The following SNPH variants were observed in gnomAD, a reference collection of about 807,000 sequenced individuals.
The protein encoded by SNPH is syntaphilin.
A neutral mutation model predicts 36.8 loss-of-function variants in SNPH; 10 were observed. That is an observed-to-expected ratio of 0.27 (90% confidence interval 0.17 to 0.46). The LOEUF (loss-of-function observed/expected upper bound fraction) is 0.46. Among genes scored for constraint, SNPH ranks in the 20% least tolerant of loss-of-function variants. The probability of loss-of-function intolerance (pLI) is 1.00; values close to 1 mark genes in which losing one functional copy is unlikely to be tolerated. For synonymous variants in SNPH, 281 were observed against 312.2 expected (o/e 0.90, Z 1.05); for missense variants, 622 against 744.0 (o/e 0.84, Z 1.91).
At chr20:1,281,907 T>G (rs1316023343) in intron 2 of SNPH, among the ~76,000 whole-genome samples, 1 of 152,254 alleles carries the variant, frequency 6.6e-6, no homozygotes, top group Non-Finnish European at 1.5e-5. Context: ...ATCTGGGAGC[T>G]AGGCCATTTC....
chr20:1,280,700 G>C (rs924168828), intron 2 of SNPH, among the ~76,000 whole-genome samples: 3 of 152,200 alleles, frequency 2.0e-5, no homozygotes, highest in African/African-American at 4.8e-5. Flanking sequence ...TGTCCCAAGA[G>C]AGTGAGAGGA....
At chr20:1,268,971 A>G (rs1197010882) in intron 2 of SNPH, among the ~76,000 whole-genome samples, 2 of 152,160 alleles carry the variant, frequency 1.3e-5, no homozygotes, top group African/African-American at 4.8e-5. Flanking sequence ...GAGGGTGGTG[A>G]TGTTGGCAAA....
chr20:1,301,121 C>T (rs766770994), intron 6 of SNPH, among the ~76,000 whole-genome samples: 1 of 152,210 alleles, frequency 6.6e-6, no homozygotes, highest in Non-Finnish European at 1.5e-5. Context: ...TATCCTTCCT[C>T]GCTTCCTCCT....
At chr20:1,292,706 C>G (rs554226978) in intron 2 of SNPH, among the ~76,000 whole-genome samples, 1 of 152,274 alleles carries the variant, frequency 6.6e-6, no homozygotes, top group East Asian at 1.9e-4. Flanking sequence ...GGCCTGCCCC[C>G]CTCCTTCTGC....
chr20:1,282,858 CTAAGAACTA>C (rs2088242390), intron 2 of SNPH, among the ~76,000 whole-genome samples: 1 of 152,188 alleles, frequency 6.6e-6, no homozygotes. Context: ...CAGCCCTATG[CTAAGAACTA>C]GGTTTCCAGC....
In SNPH at chr20:1,266,797, C is replaced by G. The variant is rs1207859086; in HGVS notation, c.-493+37C>G. The G allele has an allele frequency of 6.1e-6, 8 of 1,318,314 alleles. No homozygotes were observed. The highest frequency in any genetic ancestry group is 7.7e-6 in the Non-Finnish European group (8 of 1,033,648). 81.7% of individuals were successfully genotyped at this position (1,318,314 alleles called of 1,614,324 possible). A position where few individuals can be genotyped will look rare whatever the true frequency, so the allele number is the denominator to read the frequency against. On this transcript the variant is annotated intron_variant, in intron 2 of 6. Coordinates refer to ENST00000381867, the MANE Select transcript of SNPH (RefSeq NM_001318234.2). The surrounding 1 kb of genome is among the most constrained non-coding windows in gnomAD (Gnocchi z 6.0). ...GCGGCGGAGCGGGGAGCTGGCCCTG[C>G]GCTGCACCGCGGCAGGTGGGGGCCG...
At chr20:1,297,520 A>AGCAG (rs1419485067) in intron 5 of SNPH, among the ~76,000 whole-genome samples, 1 of 152,262 alleles carries the variant, frequency 6.6e-6, no homozygotes, top group East Asian at 1.9e-4. Context: ...GCCAGGGGTC[A>AGCAG]GCAGCTCCCT....
At position 1,285,067 on chromosome 20, in the gene SNPH, A is replaced by G. The variant is rs1315972270; in HGVS notation, c.-492-9884A>G. On this transcript the variant is annotated intron_variant, in intron 2 of 6. Transcript: ENST00000381867. This position sits in a 1 kb window ranked among gnomAD's most constrained non-coding sequence, Gnocchi z 4.9. ...GTGTCGCCTCAGTTTCCTTATCTGT[A>G]AAATGCATACACTGTGCAGGGAATA... Among the ~76,000 whole-genome samples, 1 of 152,180 alleles carries G rather than the reference A, an allele frequency of 6.6e-6. No individual in the cohort carries two copies. The highest frequency in any genetic ancestry group is 1.5e-5 in the Non-Finnish European group (1 of 68,044).
At chr20:1,281,218 C>T (rs902819408) in intron 2 of SNPH, among the ~76,000 whole-genome samples, 7 of 152,142 alleles carry the variant, frequency 4.6e-5, no homozygotes, top group Admixed American at 2.0e-4. Flanking sequence ...CTCTTGAAGC[C>T]ACCTTTACTT....
intron 6 of SNPH, among the ~76,000 whole-genome samples, chr20:1,301,191 T>G (rs1227251740): frequency 2.0e-5 from 3 of 152,184 alleles, no homozygotes; most frequent in Non-Finnish European, 2.9e-5. Context: ...AGCCATCTAC[T>G]TCCTGCTGTG....
In SNPH at chr20:1,276,190, CT is replaced by C. The variant is rs1280872866; in HGVS notation, c.-493+9432del. On this transcript the variant is annotated intron_variant, in intron 2 of 6. Transcript: ENST00000381867. This position sits in a 1 kb window ranked among gnomAD's most constrained non-coding sequence, Gnocchi z 4.6. ...GACCATTTGAGCCAACTGTCTGTGG[CT>C]TCCTTCTGGAGAGCCCCTTCCCCCT... 1.3e-5 allele frequency among the ~76,000 whole-genome samples: 2 copies of C among 152,204 alleles called. No homozygotes were observed. Among genetic ancestry groups the C allele is most frequent in the Non-Finnish European group, 1.5e-5 (1 of 68,026 alleles).
In SNPH at chr20:1,266,929, G is replaced by T. The variant is rs370780310; in HGVS notation, c.-493+169G>T. Among the ~76,000 whole-genome samples, 1 of 152,012 alleles carries T rather than the reference G, an allele frequency of 6.6e-6. No individual in the cohort carries two copies. Among genetic ancestry groups the T allele is most frequent in the East Asian group, 1.9e-4 (1 of 5,156 alleles). ...TTCATTCCCCTACATCCCTTTAAGCGCTTCCCTCCCTCCCCCTCCCTGAAA... is the reference window on the plus strand; with the variant it reads ...TTCATTCCCCTACATCCCTTTAAGCTCTTCCCTCCCTCCCCCTCCCTGAAA... On this transcript the variant is annotated intron_variant, in intron 2 of 6. Coordinates refer to ENST00000381867, the MANE Select transcript of SNPH (RefSeq NM_001318234.2). This position sits in a 1 kb window ranked among gnomAD's most constrained non-coding sequence, Gnocchi z 6.0.
intron 2 of SNPH, among the ~76,000 whole-genome samples, chr20:1,268,824 A>G (rs1028272188): frequency 1.1e-4 from 16 of 152,160 alleles, no homozygotes; most frequent in Admixed American, 3.9e-4. Flanking sequence ...TTAGTGTAGG[A>G]CATCGTCCAG....
At chr20:1,298,803 T>C (rs1285748595) in intron 5 of SNPH, among the ~76,000 whole-genome samples, 1 of 99,648 alleles carries the variant, frequency 1.0e-5, no homozygotes, top group African/African-American at 4.2e-5. Flanking sequence ...TTTTTTCTAA[T>C]TTGTGTGTGT....
At chr20:1,289,390 G>A (rs1449121540) in intron 2 of SNPH, among the ~76,000 whole-genome samples, 1 of 152,172 alleles carries the variant, frequency 6.6e-6, no homozygotes, top group Non-Finnish European at 1.5e-5. Context: ...CCTGAAGTCA[G>A]GTAGAGGGGG....
At chr20:1,283,273 G>A (rs1051071481) in intron 2 of SNPH, among the ~76,000 whole-genome samples, 77 of 152,296 alleles carry the variant, frequency 5.1e-4, no homozygotes, top group African/African-American at 1.5e-3. Flanking sequence ...ATTCAGAGCC[G>A]TAAGCCTGGG....
chr20:1,271,030 C>A (rs377152937), intron 2 of SNPH, among the ~76,000 whole-genome samples: 1 of 152,204 alleles, frequency 6.6e-6, no homozygotes. Context: ...GGCCTGTGCA[C>A]CCCAGGCTGC....
chr20:1,308,437 C>G lies in SNPH; in HGVS notation c.*2383C>G, dbSNP rs1600270695. ...TCCCCACTCAGCCCTGGGACAGGCC[C>G]TGGGACTGTGGTGGCCGGTGGCCCT... On this transcript the variant is annotated 3_prime_UTR_variant, in exon 7 of 7. Transcript: ENST00000381867. 6.5e-6 allele frequency: 1 copy of G among 152,694 alleles called. No individual in the cohort carries two copies. The highest frequency in any genetic ancestry group is 1.5e-5 in the Non-Finnish European group (1 of 68,408). 9.5% of individuals were successfully genotyped at this position (152,694 alleles called of 1,614,324 possible).
chr20:1,281,105 C>T (rs2088213134), intron 2 of SNPH, among the ~76,000 whole-genome samples: 1 of 152,190 alleles, frequency 6.6e-6, no homozygotes, highest in South Asian at 2.1e-4. Context: ...GGCAGCGAAG[C>T]TAACCCACAC....
Sources: gnomAD v4.1 joint callset for allele counts (sites outside exome capture counted in the v4.1 genomes callset) on GRCh38, gnomAD v4.1.1 for gene constraint, Gnocchi (gnomAD v3.1) non-coding constraint, MANE v1.5 for transcripts, NCBI Gene and HGNC (gene_info 2026-07-23, HGNC 2026-07-21) for gene names.